The following PKD1L1 variants were observed in gnomAD, a reference collection of about 807,000 sequenced individuals.
The protein encoded by PKD1L1 is polycystin 1 like 1, transient receptor potential channel interacting.
In PKD1L1, 236 loss-of-function variants were observed where a neutral mutation model predicts 323.4. The ratio of observed to expected loss-of-function variants is 0.73; its 90% CI spans 0.66 to 0.81. The LOEUF (loss-of-function observed/expected upper bound fraction) is 0.81. Among genes scored for constraint, PKD1L1 ranks in the 40% least tolerant of loss-of-function variants. PKD1L1 has a pLI of 0.00. For synonymous variants in PKD1L1, 1,344 were observed against 1,335.0 expected (o/e 1.01, Z -0.15); for missense variants, 3,320 against 3,508.0 (o/e 0.95, Z 1.35).
chr7:47,880,785 T>G lies in PKD1L1; in HGVS notation c.3463A>C (p.Thr1155Pro). The change falls in exon 21 of 57, where the codon ACA becomes CCA. Residue 1155 changes from threonine to proline, a missense_variant. Thr to Pro is a conservative substitution (Grantham distance 38, BLOSUM62 -1). Coordinates refer to ENST00000289672, the MANE Select transcript of PKD1L1 (RefSeq NM_138295.5). ...SSSGITEQTV[T>P]IKPYSLSSGE... ...CTGCTCAGAGAGTATGGCTTGATTG[T>G]CACTGTCTGTTCTGTAATACCTGCA... The G allele has an allele frequency of 2.5e-6, 4 of 1,607,146 alleles. No individual in the cohort carries two copies. Among genetic ancestry groups the G allele is most frequent in the Non-Finnish European group, 2.6e-6 (3 of 1,175,934 alleles).
chr7:47,909,654 G>T (rs1267057925), intron 8 of PKD1L1, among the ~76,000 whole-genome samples: 1 of 152,166 alleles, frequency 6.6e-6, no homozygotes, highest in Non-Finnish European at 1.5e-5. Context: ...GACCAATCAA[G>T]TTTACAGAAT....
Position 47,813,996 on chromosome 7 carries a change from T to C in PKD1L1, c.7108A>G (p.Lys2370Glu). Residue 2370 changes from lysine to glutamate, a missense_variant, in exon 48 of 57, where the codon AAA becomes GAA. Lys to Glu is a moderately conservative substitution (Grantham distance 56, BLOSUM62 1). Coordinates refer to ENST00000289672, the MANE Select transcript of PKD1L1 (RefSeq NM_138295.5). ...ACGGAACTGCCTATTAGGTAGCATT[T>C]TCCTCCAAGAGCTCCAGGCTGAAAG... ...PGAQPGALGG[K>E]CYLIGSSVIR... The C allele has an allele frequency of 6.2e-7, 1 of 1,614,022 alleles. No individual in the cohort carries two copies.
chr7:47,937,042 C>CA (rs1787881552), intron 3 of PKD1L1, 84 bp from the exon 4 acceptor site: 1 of 1,107,216 alleles, frequency 9.0e-7, no homozygotes, highest in South Asian at 1.4e-5. Context: ...ACTTCATTAA[C>CA]AAAATAGCAG....
In PKD1L1 at chr7:47,890,640, G is replaced by GTGT. The variant is rs755348835; in HGVS notation, c.2576_2577insACA (p.Ser859delinsArgHis). 7 of 1,614,178 alleles carry GTGT rather than the reference G, an allele frequency of 4.3e-6. No homozygotes were observed. In the East Asian group the frequency reaches 1.6e-4, roughly 36 times the overall value. ...TCAGCATCACAAGGAACTGATCATA[G>GTGT]CTGTCACTGAGCCATTGTGCCTCAA... On this transcript the variant is annotated protein_altering_variant, in exon 16 of 57. Coordinates refer to ENST00000289672, the MANE Select transcript of PKD1L1 (RefSeq NM_138295.5).
intron 56 of PKD1L1, among the ~76,000 whole-genome samples, chr7:47,786,808 T>A (rs1786817471): frequency 6.6e-6 from 1 of 152,024 alleles, no homozygotes; most frequent in Admixed American, 6.5e-5. Flanking sequence ...TTCTGCCCAA[T>A]CAGCAGCAGC....
intron 7 of PKD1L1, 114 bp downstream of exon 7, chr7:47,929,090 G>T: frequency 8.9e-7 from 1 of 1,123,366 alleles, no homozygotes. Flanking sequence ...AGGAAGGTTG[G>T]CTGAGTCCAG....
Position 47,805,696 on chromosome 7 carries a change from T to C in PKD1L1, c.7828-2352A>G, listed in dbSNP as rs144891300. Among the ~76,000 whole-genome samples, 183 of 152,308 alleles carry C rather than the reference T, an allele frequency of 1.2e-3. No homozygotes were observed. The East Asian group carries it at 0.033, about 27-fold the overall frequency. On this transcript the variant is annotated intron_variant, in intron 52 of 56. Transcript: ENST00000289672. ...TGTGGACCATGTCCTTGGAGGGCCG[T>C]TCCATTGCATTATAGTTCTGTGCTT...
In PKD1L1 at chr7:47,792,662, G is replaced by T. The variant is rs775372162; in HGVS notation, c.8491C>A (p.Pro2831Thr). 1.2e-6 allele frequency: 2 copies of T among 1,613,912 alleles called. No homozygotes were observed. Among genetic ancestry groups the T allele is most frequent in the South Asian group, 2.2e-5 (2 of 91,026 alleles). The change falls in exon 56 of 57, where the codon CCC becomes ACC. Residue 2831 changes from proline (P) to threonine (T), a missense_variant. Coordinates refer to ENST00000289672, the MANE Select transcript of PKD1L1 (RefSeq NM_138295.5). ...NTGEARTEES[P>T]LVDISSYQAA... ...TGGTAACTAGAAATGTCCACTAAGG[G>T]ACTCTCTTCTGTCCTTGCCTCCCCT...
In PKD1L1 at chr7:47,882,008, C is replaced by T; in HGVS notation, c.3343G>A (p.Asp1115Asn). The T allele has an allele frequency of 6.2e-7, 1 of 1,614,008 alleles. No homozygotes were observed. The highest frequency in any genetic ancestry group is 8.5e-7 in the Non-Finnish European group (1 of 1,179,990). ...GCTCTGCCTGCAGACAGGGAGGGGT[C>T]CACCAGGTTATCCCCATCTCCAGGG... The part of the protein sequence containing the change: ...ESPGDGDNLV[D>N]PSLSAGRAEP... Residue 1115 changes from aspartate to asparagine, a missense_variant, in exon 20 of 57, where the codon GAC (aspartate) becomes AAC (asparagine). Coordinates refer to ENST00000289672, the MANE Select transcript of PKD1L1 (RefSeq NM_138295.5).
chr7:47,830,435 A>G (rs1161347296), intron 42 of PKD1L1, among the ~76,000 whole-genome samples: 1 of 152,254 alleles, frequency 6.6e-6, no homozygotes, highest in Admixed American at 6.5e-5. Context: ...TATAATAATA[A>G]TAATAGCAGC....
In PKD1L1 at chr7:47,904,494, A is replaced by G; in HGVS notation, c.1815T>C (p.Asn605=). ...RLTSPSSALV[N]ASVAFECWIN... is the part of the protein sequence containing the mutation. ...TCCAGCACTCAAAGGCCACACTGGC[A>G]TTTACCAGAGCTGAGGAGGGGGACG... Residue 605 remains asparagine (N), a synonymous_variant, in exon 12 of 57, where the codon AAT becomes AAC. Transcript: ENST00000289672. 3 of 1,614,136 alleles carry G rather than the reference A, an allele frequency of 1.9e-6. No homozygotes were observed. The highest frequency in any genetic ancestry group is 1.7e-6 in the Non-Finnish European group (2 of 1,180,020).
intron 7 of PKD1L1, among the ~76,000 whole-genome samples, chr7:47,922,979 C>G (rs533332194): frequency 1.3e-5 from 2 of 152,220 alleles, no homozygotes; most frequent in Admixed American, 1.3e-4. Context: ...CCATTTTGTT[C>G]TGTACTAAGA....
chr7:47,936,375 T>G (rs1787867099), intron 4 of PKD1L1, among the ~76,000 whole-genome samples: 1 of 152,168 alleles, frequency 6.6e-6, no homozygotes, highest in South Asian at 2.1e-4. Flanking sequence ...TCAGTGTCTA[T>G]GAATGTGACT....
intron 4 of PKD1L1, among the ~76,000 whole-genome samples, chr7:47,934,374 C>T (rs1472111037): frequency 6.6e-6 from 1 of 152,218 alleles, no homozygotes; most frequent in East Asian, 1.9e-4. Context: ...CAGGGGTTCA[C>T]ATGCTGTCCA....
At chr7:47,870,778 T>G (rs1461740070) in intron 24 of PKD1L1, among the ~76,000 whole-genome samples, 2 of 151,996 alleles carry the variant, frequency 1.3e-5, no homozygotes, top group East Asian at 3.9e-4. Flanking sequence ...GTGGGAGGAT[T>G]GCTTGAGCCC....
At chr7:47,874,835 T>G (rs951809866) in intron 23 of PKD1L1, among the ~76,000 whole-genome samples, 1 of 152,214 alleles carries the variant, frequency 6.6e-6, no homozygotes, top group African/African-American at 2.4e-5. Context: ...TTTACTATAT[T>G]GTATTTATTT....
At chr7:47,813,407 C>T (rs755754335) in intron 48 of PKD1L1, 114 bp from the exon 49 acceptor site, 7 of 1,105,480 alleles carry the variant, frequency 6.3e-6, no homozygotes, top group Non-Finnish European at 9.3e-6. Flanking sequence ...TGCAACATGG[C>T]ACCCTTCTCT....
chr7:47,866,414 C>CAT lies in PKD1L1; in HGVS notation c.4092+3_4092+4dup, dbSNP rs1786169604. On this transcript the variant is annotated splice_donor_region_variant and intron_variant, in intron 25 of 56. Transcript: ENST00000289672. The stretch of plus-strand genomic sequence containing the variant: ...ACACTAAACTCACCCTCCTCTGAGC[C>CAT]ATACCTGATCTACAAAAGCCAATCT... The CAT allele has an allele frequency of 1.9e-6, 3 of 1,612,506 alleles. No individual in the cohort carries two copies. The highest frequency in any genetic ancestry group is 2.5e-6 in the Non-Finnish European group (3 of 1,179,320).
Position 47,946,721 on chromosome 7 carries a change from GGA to G in PKD1L1, c.44+1674_44+1675del, listed in dbSNP as rs1214571572. ...CTAACTCCATGAAATGAGGGCTACA[GGA>G]GAGTCAAGAAACCTCTTCTGTTTCT... On this transcript the variant is annotated intron_variant, in intron 1 of 56. Transcript: ENST00000289672. This position sits in a 1 kb window ranked among gnomAD's most constrained non-coding sequence, Gnocchi z 4.1. 2.6e-5 allele frequency among the ~76,000 whole-genome samples: 4 copies of G among 152,178 alleles called. No homozygotes were observed. The East Asian group carries it at 5.8e-4, about 22-fold the overall frequency.
Sources: allele counts gnomAD v4.1 joint callset (sites outside exome capture counted in the v4.1 genomes callset), GRCh38; gene constraint gnomAD v4.1.1; non-coding constraint Gnocchi (gnomAD v3.1); transcripts MANE v1.5; gene names NCBI Gene and HGNC (gene_info 2026-07-23, HGNC 2026-07-21).